GLIS3: variants seen among roughly 807,000 people sequenced by gnomAD.
The protein encoded by GLIS3 is zinc finger protein GLIS3.
In GLIS3, 53 loss-of-function variants were observed where a neutral mutation model predicts 78.6. The observed-to-expected ratio is 0.67, with a 90% CI of 0.54 to 0.85. The LOEUF is 0.85. GLIS3 is among the 40% of genes least tolerant of loss of function. The pLI, the probability that GLIS3 is intolerant of heterozygous loss-of-function variation, is 0.00. For synonymous variants in GLIS3, 684 were observed against 509.9 expected (o/e 1.34, Z -4.60); for missense variants, 1,703 against 1,231.1 (o/e 1.38, Z -5.74).
chr9:4,431,496 C>G, the GLIS3 span, among the ~76,000 whole-genome samples: 1 of 152,124 alleles, frequency 6.6e-6, no homozygotes, highest in African/African-American at 2.4e-5. Flanking sequence ...GGGATCTTTT[C>G]ATCCTGTGGT....
the GLIS3 span, among the ~76,000 whole-genome samples, chr9:4,395,816 C>T: frequency 0.055 from 8,162 of 149,474 alleles, 304 homozygotes; most frequent in East Asian, 0.14. Context: ...GCTCTGTCAC[C>T]GGGCTGGAGT....
At chr9:4,330,476 A>C (rs2130564547) in intron 2 of GLIS3, among the ~76,000 whole-genome samples, 1 of 152,328 alleles carries the variant, frequency 6.6e-6, no homozygotes, top group East Asian at 1.9e-4. Flanking sequence ...AAAGCGAAAG[A>C]CCCAGTCAGT....
rs867915692 is a variant in GLIS3, at chr9:4,240,200, G to T, written c.388+45838C>A. On this transcript the variant is annotated intron_variant, in intron 2 of 10. Transcript: ENST00000381971. ...TTCCACAGATGTGGGGGAGGTGGGG[G>T]GGGGGGATGGTTTCGGGATGAAACT... 1.6e-4 allele frequency among the ~76,000 whole-genome samples: 24 copies of T among 151,848 alleles called. No homozygotes were observed. In the South Asian group the frequency reaches 4.6e-3, roughly 29 times the overall value.
chr9:4,242,809 A>G (rs1053773490), intron 2 of GLIS3, among the ~76,000 whole-genome samples: 1 of 152,210 alleles, frequency 6.6e-6, no homozygotes, highest in African/African-American at 2.4e-5. Context: ...TATGGGCTGA[A>G]ATAGTATTTT....
At chr9:3,984,043 A>T (rs1327842585) in intron 4 of GLIS3, among the ~76,000 whole-genome samples, 1 of 152,230 alleles carries the variant, frequency 6.6e-6, no homozygotes, top group Non-Finnish European at 1.5e-5. Flanking sequence ...CTAGGAGGAA[A>T]AACTGGTTCT....
chr9:4,413,390 C>T, the GLIS3 span, among the ~76,000 whole-genome samples: 3 of 152,166 alleles, frequency 2.0e-5, no homozygotes, highest in African/African-American at 7.2e-5. Context: ...ATCTCACGGT[C>T]ATACTGTTAA....
intron 4 of GLIS3, among the ~76,000 whole-genome samples, chr9:4,109,106 T>TC (rs1163731755): frequency 1.3e-5 from 2 of 152,124 alleles, no homozygotes; most frequent in Non-Finnish European, 2.9e-5. Context: ...CTCAAGCATT[T>TC]CACTCTGTTC....
At chr9:4,294,087 A>G (rs537408799) in intron 1 of GLIS3, among the ~76,000 whole-genome samples, 1 of 152,282 alleles carries the variant, frequency 6.6e-6, no homozygotes, top group South Asian at 2.1e-4. Flanking sequence ...CCCCAAATCC[A>G]GATCCTACTT....
intron 8 of GLIS3, 123 bp from the exon 9 acceptor site, chr9:3,856,307 TAAA>T (rs201638563): frequency 3.5e-6 from 3 of 855,778 alleles, no homozygotes; most frequent in Non-Finnish European, 5.6e-6. Flanking sequence ...ACAAGCCTTT[TAAA>T]AAAAAATCTT....
the GLIS3 span, among the ~76,000 whole-genome samples, chr9:4,368,027 G>A: frequency 6.6e-6 from 1 of 152,176 alleles, no homozygotes; most frequent in Admixed American, 6.5e-5. Context: ...ACTTTCTACT[G>A]TATGATGTTT....
At position 4,240,912 on chromosome 9, in the gene GLIS3, GAA is replaced by G. The variant is rs968687904; in HGVS notation, c.388+45124_388+45125del. 2.2e-4 allele frequency among the ~76,000 whole-genome samples: 33 copies of G among 151,478 alleles called. 1 individual carries two copies. The highest frequency in any genetic ancestry group is 8.0e-4 in the African/African-American group (33 of 41,284). ...TAAATAAAAATTAATGACACAGGAG[GAA>G]AAAAAGAGAACTTTAGATACTCTTA... On this transcript the variant is annotated intron_variant, in intron 2 of 10. Transcript: ENST00000381971.
At position 3,940,424 on chromosome 9, in the gene GLIS3, A is replaced by G. The variant is rs77936046; in HGVS notation, c.1711-3235T>C. Among the ~76,000 whole-genome samples, 34 of 152,278 alleles carry G rather than the reference A, an allele frequency of 2.2e-4. No homozygotes were observed. The East Asian group carries it at 5.8e-3, about 26-fold the overall frequency. ...ATCGAGGTTCCTAAAGTTCAAGTCC[A>G]TCCTGAGATCTAAGGTCAAAACTGT... On this transcript the variant is annotated intron_variant, in intron 4 of 10. Coordinates refer to ENST00000381971, the MANE Select transcript of GLIS3 (RefSeq NM_001042413.2).
At chr9:4,140,303 G>A (rs2130982802) in intron 2 of GLIS3, among the ~76,000 whole-genome samples, 1 of 152,202 alleles carries the variant, frequency 6.6e-6, no homozygotes, top group African/African-American at 2.4e-5. Flanking sequence ...CAGCCTGGGT[G>A]ACAAAGTGAG....
At chr9:4,206,441 C>T (rs1373331833) in intron 2 of GLIS3, among the ~76,000 whole-genome samples, 1 of 152,146 alleles carries the variant, frequency 6.6e-6, no homozygotes, top group Admixed American at 6.5e-5. Context: ...AACTGAAAGT[C>T]ATGATAATAT....
intron 4 of GLIS3, among the ~76,000 whole-genome samples, chr9:3,941,466 C>T (rs907106918): frequency 2.0e-5 from 3 of 152,008 alleles, no homozygotes; most frequent in African/African-American, 4.8e-5. Flanking sequence ...CATGCTGGTG[C>T]GCTGCACTTT....
In GLIS3 at chr9:4,133,532, T is replaced by C. The variant is rs576351309; in HGVS notation, c.389-7591A>G. 2.6e-5 allele frequency among the ~76,000 whole-genome samples: 4 copies of C among 152,258 alleles called. No individual in the cohort carries two copies. In the East Asian group the frequency reaches 7.7e-4, roughly 29 times the overall value. On this transcript the variant is annotated intron_variant, in intron 2 of 10. Coordinates refer to ENST00000381971, the MANE Select transcript of GLIS3 (RefSeq NM_001042413.2). ...ACACAGTAGCTAAGAGCCATAGATT[T>C]CCATCCTGGCTCCACCACTGACTAG...
At chr9:4,148,275 G>T (rs962424053) in intron 2 of GLIS3, among the ~76,000 whole-genome samples, 1 of 152,026 alleles carries the variant, frequency 6.6e-6, no homozygotes, top group African/African-American at 2.4e-5. Context: ...ACACTCACAG[G>T]AGTTTGATTT....
upstream of GLIS3, among the ~76,000 whole-genome samples, chr9:4,349,450 G>A (rs893201259): frequency 3.3e-5 from 5 of 152,104 alleles, no homozygotes; most frequent in South Asian, 4.1e-4. Flanking sequence ...ATACCCTCTC[G>A]TAGAGTCTAA....
intron 4 of GLIS3, among the ~76,000 whole-genome samples, chr9:4,098,181 T>A (rs1395377224): frequency 2.0e-5 from 3 of 152,168 alleles, no homozygotes; most frequent in Non-Finnish European, 4.4e-5. Context: ...AGAATTCACT[T>A]TCGAAACTTT....
Sources: gnomAD v4.1 joint callset for allele counts (sites outside exome capture counted in the v4.1 genomes callset) on GRCh38, gnomAD v4.1.1 for gene constraint, MANE v1.5 for transcripts, NCBI Gene and HGNC (gene_info 2026-07-23, HGNC 2026-07-21) for gene names.